Variants in CNOT3 observed in about 807,000 individuals in gnomAD.
CNOT3 encodes CCR4-associated factor 3.
Under a neutral mutation model 89.4 loss-of-function variants are expected in CNOT3, and 2 were observed. The ratio of observed to expected loss-of-function variants is 0.02; its 90% CI spans 0.01 to 0.07. The LOEUF (loss-of-function observed/expected upper bound fraction) is 0.07. Ranked by LOEUF, CNOT3 falls within the 10% of genes least tolerant of loss-of-function variation. The pLI, the probability that CNOT3 is intolerant of heterozygous loss-of-function variation, is 1.00. For missense variants in CNOT3, 664 were observed against 1,010.2 expected, an observed-to-expected ratio of 0.66 and a Z score of 4.65; for synonymous variants, 486 against 402.0, an observed-to-expected ratio of 1.21 and a Z score of -2.50.
Position 54,149,751 on chromosome 19 carries a change from A to G in CNOT3, c.1598A>G (p.Glu533Gly). Residue 533 changes from glutamate to glycine, a missense_variant, in exon 13 of 18, where the codon GAA becomes GGA. By Grantham distance (98) the Glu-to-Gly change is moderately conservative. Coordinates refer to ENST00000221232, the MANE Select transcript of CNOT3 (RefSeq NM_014516.4). ...NGPPQFSTAP[E>G]IKAPEPLSSL... is the part of the protein sequence containing the mutation. The stretch of plus-strand genomic sequence containing the variant: ...CCTCCACAGTTCAGCACCGCCCCAG[A>G]AATCAAGGTGGGCTCCTCGGACATC... 1 of 1,606,980 alleles carries G rather than the reference A, an allele frequency of 6.2e-7. No homozygotes were observed. The highest frequency in any genetic ancestry group is 8.5e-7 in the Non-Finnish European group (1 of 1,175,984).
chr19:54,151,440 A>T (rs117114215), intron 13 of CNOT3, among the ~76,000 whole-genome samples: 1 of 152,126 alleles, frequency 6.6e-6, no homozygotes, highest in Non-Finnish European at 1.5e-5. Context: ...GTGGTGGCTC[A>T]CACCTGTAAT....
chr19:54,149,683 C>T lies in CNOT3; in HGVS notation c.1530C>T (p.Pro510=). 3 of 1,614,090 alleles carry T rather than the reference C, an allele frequency of 1.9e-6. No homozygotes were observed. The highest frequency in any genetic ancestry group is 2.5e-6 in the Non-Finnish European group (3 of 1,179,972). Residue 510 remains proline, a synonymous_variant, in exon 13 of 18, where the codon CCC becomes CCT. Transcript: ENST00000221232. ...TGAATCCTCCCAGCTCCCCAACGCC[C>T]AGCTTCAGTGATGCCAAGGCAGCCG... ...LPVNPPSSPT[P]SFSDAKAAGA...
chr19:54,145,808 G>A lies in CNOT3; in HGVS notation c.694G>A (p.Glu232Lys), dbSNP rs2074640318. The A allele has an allele frequency of 6.2e-7, 1 of 1,611,640 alleles. No homozygotes were observed. The highest frequency in any genetic ancestry group is 8.5e-7 in the Non-Finnish European group (1 of 1,177,912). Residue 232 changes from glutamate to lysine, a missense_variant, in exon 8 of 18, where the codon GAG becomes AAG. Around this residue, in one of 8 missense-constraint regions of CNOT3, gnomAD observed 25 missense variants for 69.0 expected, o/e 0.36. Coordinates refer to ENST00000221232, the MANE Select transcript of CNOT3 (RefSeq NM_014516.4). This position sits in a 1 kb window ranked among gnomAD's most constrained non-coding sequence, Gnocchi z 5.9. Reference protein sequence around the residue: ...NEFLYDDLDLEDIPQALVATS... With the variant: ...NEFLYDDLDLKDIPQALVATS... Reference sequence around the variant, plus strand: ...GTTTCTCTACGATGACCTGGACCTCGAGGACATTCGTGAGGCCCTGGGGCT... The same window carrying A: ...GTTTCTCTACGATGACCTGGACCTCAAGGACATTCGTGAGGCCCTGGGGCT...
At chr19:54,152,002 G>A (rs1392585210) in intron 13 of CNOT3, among the ~76,000 whole-genome samples, 3 of 152,246 alleles carry the variant, frequency 2.0e-5, no homozygotes, top group Non-Finnish European at 4.4e-5. Flanking sequence ...CCATGCTGCA[G>A]AGTCCCACTC....
Position 54,148,721 on chromosome 19 carries a change from C to G in CNOT3, c.1384C>G (p.His462Asp), listed in dbSNP as rs749528991. 1.9e-6 allele frequency: 3 copies of G among 1,611,788 alleles called. No individual in the cohort carries two copies. Among genetic ancestry groups the G allele is most frequent in the Non-Finnish European group, 1.7e-6 (2 of 1,179,350 alleles). ...GGCCTTGGGCCCCCCTTCCGGCCCC[C>G]ACAACCCACCTCCCAGCACCTCGTG... ...SQALGPPSGP[H>D]NPPPSTSKEP... Residue 462 changes from histidine (H) to aspartate (D), a missense_variant, in exon 12 of 18, where the codon CAC (histidine) becomes GAC (aspartate). His to Asp is a moderately conservative substitution (Grantham distance 81). This residue lies in a region of CNOT3 where 545 missense variants were observed against 566.2 expected (regional missense o/e 0.96). Coordinates refer to ENST00000221232, the MANE Select transcript of CNOT3 (RefSeq NM_014516.4). This position sits in a 1 kb window ranked among gnomAD's most constrained non-coding sequence, Gnocchi z 6.3.
Position 54,145,483 on chromosome 19 carries a change from C to A in CNOT3, c.484-115C>A. 1.4e-6 allele frequency: 1 copy of A among 707,880 alleles called. No homozygotes were observed. The highest frequency in any genetic ancestry group is 2.7e-5 in the East Asian group (1 of 37,050). 43.8% of individuals were successfully genotyped at this position (707,880 alleles called of 1,614,324 possible). ...TACTGCCCCACCCCGAAGGGGATGG[C>A]GTGGAGGCTTTGGGTCTCCACAGGG... On this transcript the variant is annotated intron_variant, in intron 7 of 17. Transcript: ENST00000221232. The surrounding 1 kb of genome is among the most constrained non-coding windows in gnomAD (Gnocchi z 5.9).
At chr19:54,138,315 G>C (rs2074302322) in intron 1 of CNOT3, among the ~76,000 whole-genome samples, 1 of 152,218 alleles carries the variant, frequency 6.6e-6, no homozygotes, top group South Asian at 2.1e-4. Context: ...GGGTGTGAGG[G>C]TGCGAAGCCT....
At chr19:54,146,568 A>T (rs1422653466) in intron 9 of CNOT3, 33 bp from the exon 10 acceptor site, 1 of 1,099,476 alleles carries the variant, frequency 9.1e-7, no homozygotes, top group South Asian at 1.2e-5. Context: ...CCCAGAGGTC[A>T]CACAGGTTTC....
rs181417057 is a variant in CNOT3, at chr19:54,143,345, G to T, written c.94-97G>T. The T allele has an allele frequency of 8.3e-5, 113 of 1,354,668 alleles. No homozygotes were observed. In the Admixed American group the frequency reaches 1.9e-3, roughly 23 times the overall value. The allele number at this position is 1,354,668 out of a possible 1,614,324, so 83.9% of individuals were successfully genotyped here. ...AAGATGGATTGGGGGTAGGGGTTGG[G>T]GGGGGTCCTCGAGTCCCTAGCATAA... On this transcript the variant is annotated intron_variant, in intron 3 of 17. Transcript: ENST00000221232.
chr19:54,139,045 G>T (rs995347982), intron 1 of CNOT3, among the ~76,000 whole-genome samples: 2 of 152,208 alleles, frequency 1.3e-5, no homozygotes, highest in African/African-American at 2.4e-5. Context: ...GCGCTCAGGT[G>T]CCTGGTGAAA....
rs200784601 is a variant in CNOT3 at position 54,149,550 on chromosome 19, C to G, written c.1407-10C>G. 6 of 1,547,088 alleles carry G rather than the reference C, an allele frequency of 3.9e-6. No individual in the cohort carries two copies. The African/African-American group carries it at 4.1e-5, about 11-fold the overall frequency. On this transcript the variant is annotated splice_polypyrimidine_tract_variant and intron_variant, in intron 12 of 17. Coordinates refer to ENST00000221232, the MANE Select transcript of CNOT3 (RefSeq NM_014516.4). The stretch of plus-strand genomic sequence containing the variant: ...TCCTCTCAACCCCCTCTTCCATGCT[C>G]TCTCTCCAGGAAGGAACCCAGTGCG...
At chr19:54,153,071 T>C in intron 16 of CNOT3, 72 bp downstream of exon 16, 1 of 1,522,562 alleles carries the variant, frequency 6.6e-7, no homozygotes, top group Non-Finnish European at 9.0e-7. Flanking sequence ...CCCCTCGGGC[T>C]GGAGGGGTGA....
In CNOT3 at chr19:54,152,754, C is replaced by T. The variant is rs79742094; in HGVS notation, c.1905-113C>T. On this transcript the variant is annotated intron_variant, in intron 15 of 17. Coordinates refer to ENST00000221232, the MANE Select transcript of CNOT3 (RefSeq NM_014516.4). ...TGGGCTCTCCACTGAAGGTCAGCAC[C>T]GCCCTGGGTCTTTCTGTACCACCTC... The T allele has an allele frequency of 8.7e-3, 7,895 of 910,904 alleles. 429 individuals are homozygous for T. The African/African-American group carries it at 0.11, about 13-fold the overall frequency. 56.4% of individuals were successfully genotyped at this position (910,904 alleles called of 1,614,324 possible).
In CNOT3 at chr19:54,155,027, G is replaced by A. The variant is rs938438963; in HGVS notation, c.2164-282G>A. ...CAAAAGCCACAGCCCTCGAGGAAACGAAGGCTGTGCACTCACACCTGGGGC... is the reference window on the plus strand; with the variant it reads ...CAAAAGCCACAGCCCTCGAGGAAACAAAGGCTGTGCACTCACACCTGGGGC... On this transcript the variant is annotated intron_variant, in intron 17 of 17. Transcript: ENST00000221232. The A allele has an allele frequency of 1.4e-5, 7 of 504,840 alleles. 1 individual carries two copies. The highest frequency in any genetic ancestry group is 4.0e-5 in the African/African-American group (2 of 50,598). 31.3% of individuals were successfully genotyped at this position (504,840 alleles called of 1,614,324 possible).
intron 10 of CNOT3, 104 bp downstream of exon 10, chr19:54,146,761 A>T (rs2074695453): frequency 1.3e-6 from 1 of 770,052 alleles, no homozygotes; most frequent in Admixed American, 1.8e-5. Flanking sequence ...GCTGGTGGAC[A>T]CAGGTGGCTC....
In CNOT3 at chr19:54,143,650, C is replaced by T. The variant is rs2074547206; in HGVS notation, c.169-10C>T. On this transcript the variant is annotated splice_polypyrimidine_tract_variant and intron_variant, in intron 4 of 17. Transcript: ENST00000221232. ...CTGAGGTCTGACTTTCTTGCTTTTC[C>T]CATCTGCAGCGGCTGAGGGACCAAA... 6.2e-7 allele frequency: 1 copy of T among 1,613,566 alleles called. No homozygotes were observed. Among genetic ancestry groups the T allele is most frequent in the South Asian group, 1.1e-5 (1 of 91,070 alleles).
In CNOT3 at chr19:54,142,972, A is replaced by C. The variant is rs1418260150; in HGVS notation, c.-7A>C. 1 of 1,613,976 alleles carries C rather than the reference A, an allele frequency of 6.2e-7. No homozygotes were observed. The highest frequency in any genetic ancestry group is 1.7e-5 in the Admixed American group (1 of 60,030). On this transcript the variant is annotated 5_prime_UTR_variant, in exon 2 of 18. Transcript: ENST00000221232. ...TATGAAGAGAGTGCGTCTGTAGGGC[A>C]GGGAAGATGGCGGACAAGCGCAAAC...
At position 54,155,588 on chromosome 19, in the gene CNOT3, G is replaced by A. The variant is rs1310600930; in HGVS notation, c.*181G>A. On this transcript the variant is annotated 3_prime_UTR_variant, in exon 18 of 18. Coordinates refer to ENST00000221232, the MANE Select transcript of CNOT3 (RefSeq NM_014516.4). The stretch of plus-strand genomic sequence containing the variant: ...CCCCACCCTGGGGGCCCGGGGGCGA[G>A]GGCTGCCCCCTCCTCCCCTCCCCAG... 2 of 1,061,916 alleles carry A rather than the reference G, an allele frequency of 1.9e-6. No homozygotes were observed. The highest frequency in any genetic ancestry group is 1.6e-5 in the South Asian group (1 of 61,968). 65.8% of individuals were successfully genotyped at this position (1,061,916 alleles called of 1,614,324 possible). A position where few individuals can be genotyped will look rare whatever the true frequency, so the allele number is the denominator to read the frequency against.
At chr19:54,140,991 TG>T (rs1218623713) in intron 1 of CNOT3, among the ~76,000 whole-genome samples, 22 of 152,188 alleles carry the variant, frequency 1.4e-4, no homozygotes, top group African/African-American at 5.3e-4. Flanking sequence ...CATGACCCTC[TG>T]TTGGGTTCTT....
Sources: gnomAD v4.1 joint callset for allele counts (sites outside exome capture counted in the v4.1 genomes callset) on GRCh38, gnomAD v4.1.1 for gene constraint, gnomAD v4.1.1 regional missense constraint, Gnocchi (gnomAD v3.1) non-coding constraint, MANE v1.5 for transcripts, NCBI Gene and HGNC (gene_info 2026-07-23, HGNC 2026-07-21) for gene names.